AUTS2: variants seen among roughly 807,000 people sequenced by gnomAD.
AUTS2 encodes the protein activator of transcription and developmental regulator AUTS2, also known as autism susceptibility gene 2 protein.
In AUTS2, 17 loss-of-function variants were observed where a neutral mutation model predicts 112.4. That is an observed-to-expected ratio of 0.15 (90% CI 0.10 to 0.23). The LOEUF (loss-of-function observed/expected upper bound fraction) is 0.23, where lower values mean the gene tolerates loss of function less well. Among genes scored for constraint, AUTS2 ranks in the 10% least tolerant of loss-of-function variants. The probability of loss-of-function intolerance (pLI) is 1.00; values close to 1 mark genes in which losing one functional copy is unlikely to be tolerated. For missense variants in AUTS2, 1,510 were observed against 1,701.6 expected, an observed-to-expected ratio of 0.89 and a Z score of 1.98; for synonymous variants, 751 against 702.7, an observed-to-expected ratio of 1.07 and a Z score of -1.09.
chr7:70,561,213 A>T (rs538645622), intron 5 of AUTS2, among the ~76,000 whole-genome samples: 2 of 152,326 alleles, frequency 1.3e-5, no homozygotes, highest in East Asian at 3.9e-4. Context: ...TTGTTTTACC[A>T]GTAAGAACTG....
At chr7:69,913,633 C>T (rs1795449151) in intron 2 of AUTS2, among the ~76,000 whole-genome samples, 1 of 152,184 alleles carries the variant, frequency 6.6e-6, no homozygotes, top group African/African-American at 2.4e-5. Flanking sequence ...AGTTTCCATT[C>T]ATGTCTCTTT....
chr7:70,319,582 C>T (rs1790156974), intron 4 of AUTS2, among the ~76,000 whole-genome samples: 2 of 152,178 alleles, frequency 1.3e-5, no homozygotes. Flanking sequence ...TAAGTCTCTC[C>T]TGTGTGTTTA....
intron 1 of AUTS2, among the ~76,000 whole-genome samples, chr7:69,829,849 C>T (rs1437080701): frequency 1.3e-5 from 2 of 152,054 alleles, no homozygotes; most frequent in African/African-American, 4.8e-5. Context: ...GGATCTAGAA[C>T]CAGAAATGCC....
intron 5 of AUTS2, among the ~76,000 whole-genome samples, chr7:70,629,604 G>C (rs957434240): frequency 9.2e-5 from 14 of 152,152 alleles, no homozygotes; most frequent in Admixed American, 9.2e-4. Flanking sequence ...AGAGGCAGGC[G>C]CGTCTCAGAT....
At chr7:70,577,653 A>G (rs934926027) in intron 5 of AUTS2, among the ~76,000 whole-genome samples, 3 of 152,344 alleles carry the variant, frequency 2.0e-5, no homozygotes, top group Middle Eastern at 3.4e-3. Context: ...GTATAGCCAC[A>G]GCTACGGCAA....
intron 5 of AUTS2, among the ~76,000 whole-genome samples, chr7:70,696,674 A>AACACACACAC (rs35577599): frequency 4.0e-5 from 6 of 150,156 alleles, no homozygotes; most frequent in African/African-American, 1.5e-4. Flanking sequence ...TTTTCACTCG[A>AACACACACAC]ACACACACAC....
chr7:70,025,602 C>T (rs1800482958), intron 2 of AUTS2, among the ~76,000 whole-genome samples: 2 of 151,738 alleles, frequency 1.3e-5, no homozygotes, highest in Admixed American at 1.3e-4. Context: ...CAGGCATGCA[C>T]TACCATGCCT....
chr7:70,768,096 G>T (rs943647939), intron 10 of AUTS2, 28 bp downstream of exon 10: 2 of 1,580,246 alleles, frequency 1.3e-6, no homozygotes, highest in African/African-American at 2.7e-5. Context: ...GCTACACATT[G>T]AATGTAACTG....
intron 4 of AUTS2, among the ~76,000 whole-genome samples, chr7:70,184,889 G>A (rs1265577057): frequency 6.6e-6 from 1 of 151,852 alleles, no homozygotes; most frequent in Non-Finnish European, 1.5e-5. Context: ...TCCTTTCTTC[G>A]AAGGCTATAT....
At chr7:70,023,657 A>G (rs893393068) in intron 2 of AUTS2, among the ~76,000 whole-genome samples, 1 of 152,206 alleles carries the variant, frequency 6.6e-6, no homozygotes, top group Non-Finnish European at 1.5e-5. Context: ...GGAGGATTCA[A>G]AGCAACATTC....
At position 70,791,426 on chromosome 7, in the gene AUTS2, A is replaced by G. The variant is rs1349281565; in HGVS notation, c.*430A>G. The stretch of plus-strand genomic sequence containing the variant: ...TGCTTCATGAGCTAATGGTTCATAT[A>G]TGCAAAAGGGTAAGATGAAAGCTTT... On this transcript the variant is annotated 3_prime_UTR_variant, in exon 19 of 19. Coordinates refer to ENST00000342771, the MANE Select transcript of AUTS2 (RefSeq NM_015570.4). 1 of 159,728 alleles carries G rather than the reference A, an allele frequency of 6.3e-6. No individual in the cohort carries two copies. Among genetic ancestry groups the G allele is most frequent in the Non-Finnish European group, 1.4e-5 (1 of 73,254 alleles). 9.9% of individuals were successfully genotyped at this position (159,728 alleles called of 1,614,324 possible).
At chr7:70,097,187 A>G (rs1024414342) in intron 2 of AUTS2, among the ~76,000 whole-genome samples, 1 of 152,236 alleles carries the variant, frequency 6.6e-6, no homozygotes, top group African/African-American at 2.4e-5. Flanking sequence ...GGTGTTACTA[A>G]TCTGCAAGTT....
chr7:69,774,989 A>G (rs756052776), intron 1 of AUTS2, among the ~76,000 whole-genome samples: 23 of 152,242 alleles, frequency 1.5e-4, no homozygotes, highest in Non-Finnish European at 3.2e-4. Context: ...TAACCAGATA[A>G]CTACTTGCAG....
At chr7:69,911,459 C>T (rs1420535269) in intron 2 of AUTS2, among the ~76,000 whole-genome samples, 1 of 152,226 alleles carries the variant, frequency 6.6e-6, no homozygotes, top group South Asian at 2.1e-4. Flanking sequence ...GTTTGTGTTA[C>T]AGCTCATCAG....
At chr7:69,963,876 T>A (rs999376122) in intron 2 of AUTS2, among the ~76,000 whole-genome samples, 1 of 152,122 alleles carries the variant, frequency 6.6e-6, no homozygotes, top group African/African-American at 2.4e-5. Flanking sequence ...TCCTGTAAAG[T>A]AGCCTTTTCT....
chr7:70,360,774 A>C (rs1792224286), intron 4 of AUTS2, among the ~76,000 whole-genome samples: 1 of 152,176 alleles, frequency 6.6e-6, no homozygotes, highest in South Asian at 2.1e-4. Context: ...CATCTCCCTG[A>C]AGGCTGACCG....
At chr7:69,890,160 A>C (rs562373012) in intron 1 of AUTS2, among the ~76,000 whole-genome samples, 1 of 152,290 alleles carries the variant, frequency 6.6e-6, no homozygotes, top group East Asian at 1.9e-4. Context: ...CAGGGACTCA[A>C]CTACTTTGAG....
At chr7:70,542,075 G>A (rs1288529912) in intron 5 of AUTS2, among the ~76,000 whole-genome samples, 3 of 152,008 alleles carry the variant, frequency 2.0e-5, no homozygotes, top group Non-Finnish European at 2.9e-5. Context: ...TCACAGCCAC[G>A]TTTCTCTGCC....
At chr7:69,960,194 T>A (rs527283711) in intron 2 of AUTS2, among the ~76,000 whole-genome samples, 9 of 152,282 alleles carry the variant, frequency 5.9e-5, no homozygotes, top group African/African-American at 2.2e-4. Flanking sequence ...TTTTCCCTCT[T>A]TGCCTTAAAA....
Sources: gnomAD v4.1 joint callset for allele counts (sites outside exome capture counted in the v4.1 genomes callset) on GRCh38, gnomAD v4.1.1 for gene constraint, MANE v1.5 for transcripts, NCBI Gene and HGNC (gene_info 2026-07-23, HGNC 2026-07-21) for gene names.